Variants in TLN2 observed in about 807,000 individuals in gnomAD.
The protein encoded by TLN2 is talin 2, also known as talin-2.
A neutral mutation model predicts 294.7 loss-of-function variants in TLN2; 118 were observed. The observed-to-expected ratio is 0.40, with a 90% confidence interval of 0.34 to 0.47. The LOEUF (loss-of-function observed/expected upper bound fraction) is 0.47, where lower values mean the gene tolerates loss of function less well. Among genes scored for constraint, TLN2 ranks in the 20% least tolerant of loss-of-function variants. The probability of loss-of-function intolerance (pLI) is 0.84; values close to 1 mark genes in which losing one functional copy is unlikely to be tolerated. For missense variants in TLN2, 3,083 were observed against 3,282.2 expected (o/e 0.94, Z 1.48); for synonymous variants, 1,431 against 1,304.5 (o/e 1.10, Z -2.09).
chr15:62,408,610 A>G (rs1014494189), intron 1 of TLN2, among the ~76,000 whole-genome samples: 1 of 152,188 alleles, frequency 6.6e-6, no homozygotes, highest in Non-Finnish European at 1.5e-5. Context: ...TTATTTCACC[A>G]TATTAACTTT....
chr15:62,581,255 T>C (rs1055550020), intron 1 of TLN2, among the ~76,000 whole-genome samples: 2 of 152,238 alleles, frequency 1.3e-5, no homozygotes, highest in African/African-American at 4.8e-5. Flanking sequence ...GTATAGTATG[T>C]AGCCTTTTCA....
At chr15:62,465,796 A>T (rs2140351127) in intron 1 of TLN2, among the ~76,000 whole-genome samples, 1 of 152,352 alleles carries the variant, frequency 6.6e-6, no homozygotes, top group South Asian at 2.1e-4. Flanking sequence ...TTTATTGTAA[A>T]GCATTTTTTT....
intron 12 of TLN2, among the ~76,000 whole-genome samples, chr15:62,691,374 TTAGTC>T (rs1459423545): frequency 6.6e-6 from 1 of 152,200 alleles, no homozygotes; most frequent in Non-Finnish European, 1.5e-5. Flanking sequence ...ACACTACTAT[TTAGTC>T]TATCCTGTGA....
At chr15:62,603,378 G>A (rs998619694) in intron 2 of TLN2, among the ~76,000 whole-genome samples, 7 of 152,176 alleles carry the variant, frequency 4.6e-5, no homozygotes, top group Admixed American at 2.0e-4. Flanking sequence ...CTCTATGCAC[G>A]TTTCTCTGCT....
intron 19 of TLN2, among the ~76,000 whole-genome samples, chr15:62,705,610 G>T (rs1595729642): frequency 6.6e-6 from 1 of 152,164 alleles, no homozygotes; most frequent in Non-Finnish European, 1.5e-5. Flanking sequence ...CATCTGAAAA[G>T]ATGAATTCAT....
At chr15:62,509,599 G>C (rs542109439) in intron 1 of TLN2, among the ~76,000 whole-genome samples, 1 of 152,312 alleles carries the variant, frequency 6.6e-6, no homozygotes, top group East Asian at 1.9e-4. Context: ...TAACTTGCCT[G>C]GAATGCACAT....
rs757702400 is a variant in TLN2, at chr15:62,660,094, G to C, written c.788+2196G>C. ...TAATGAGAAGGTTGGACTTGTGACA[G>C]TCATGCTGAAGATGCAACCCCCAGA... On this transcript the variant is annotated intron_variant, in intron 9 of 58. Coordinates refer to ENST00000636159, the MANE Select transcript of TLN2 (RefSeq NM_015059.3). Among the ~76,000 whole-genome samples the C allele has an allele frequency of 2.6e-5, 4 of 152,196 alleles. No homozygotes were observed. The East Asian group carries it at 7.7e-4, about 29-fold the overall frequency.
rs374337447 is a variant in TLN2 at position 62,774,104 on chromosome 15, A to G, written c.5368-2660A>G. 2.2e-3 allele frequency among the ~76,000 whole-genome samples: 341 copies of G among 152,034 alleles called. 4 individuals are homozygous for G. Among genetic ancestry groups the G allele is most frequent in the African/African-American group, 7.7e-3 (320 of 41,476 alleles). On this transcript the variant is annotated intron_variant, in intron 42 of 58. Coordinates refer to ENST00000636159, the MANE Select transcript of TLN2 (RefSeq NM_015059.3). ...CTCCAGCAGAAACGCAGCCCTCTCC[A>G]CTGTTGGACAGTTCTAATTATTCCT...
At chr15:62,820,994 G>C (rs1268790976) in intron 54 of TLN2, among the ~76,000 whole-genome samples, 1 of 152,168 alleles carries the variant, frequency 6.6e-6, no homozygotes, top group Non-Finnish European at 1.5e-5. Context: ...AGCACTGCTG[G>C]GAATCAGAGG....
At chr15:62,581,516 C>G (rs2045027029) in intron 1 of TLN2, among the ~76,000 whole-genome samples, 2 of 152,034 alleles carry the variant, frequency 1.3e-5, no homozygotes, top group Admixed American at 1.3e-4. Flanking sequence ...TTAAAGGGTC[C>G]AAGTTGGAAT....
intron 1 of TLN2, among the ~76,000 whole-genome samples, chr15:62,553,380 G>T (rs56334631): frequency 0.17 from 25,377 of 152,070 alleles, 2,323 homozygotes; most frequent in African/African-American, 0.24. Flanking sequence ...TGCTACTCAG[G>T]AGGCTGAGGC....
chr15:62,568,858 A>T (rs567111620), intron 1 of TLN2, among the ~76,000 whole-genome samples: 1 of 152,262 alleles, frequency 6.6e-6, no homozygotes, highest in East Asian at 1.9e-4. Context: ...TCGAGGCTAG[A>T]TAACCCCAGT....
chr15:62,785,484 G>A (rs368239649), intron 45 of TLN2, among the ~76,000 whole-genome samples: 71 of 152,168 alleles, frequency 4.7e-4, no homozygotes, highest in African/African-American at 1.5e-3. Flanking sequence ...CCAACATGGC[G>A]TACCCCCTTG....
chr15:62,722,268 G>T, intron 25 of TLN2, 85 bp from the exon 26 acceptor site: 4 of 1,437,582 alleles, frequency 2.8e-6, no homozygotes, highest in Non-Finnish European at 3.8e-6. Flanking sequence ...AGTTCTTACT[G>T]CTGTGGAGAC....
chr15:62,422,309 AC>A lies in TLN2; in HGVS notation c.-238+31626del, dbSNP rs1443645540. On this transcript the variant is annotated intron_variant, in intron 1 of 58. Transcript: ENST00000636159. The stretch of plus-strand genomic sequence containing the variant: ...CATCAACCCTCATCAGAGGTGAATC[AC>A]CTAAGATGTTGTTTAAAGTGCAGAT... Among the ~76,000 whole-genome samples the A allele has an allele frequency of 2.0e-5, 3 of 151,534 alleles. No homozygotes were observed. The East Asian group carries it at 5.8e-4, about 29-fold the overall frequency.
chr15:62,838,075 G>A (rs1033455532), intron 57 of TLN2: 4 of 152,172 alleles, frequency 2.6e-5, no homozygotes, highest in South Asian at 2.1e-4. Context: ...AGCCCTTAAG[G>A]AAGATCTAAG....
chr15:62,440,004 A>AT (rs2035473098), intron 1 of TLN2, among the ~76,000 whole-genome samples: 1 of 152,140 alleles, frequency 6.6e-6, no homozygotes, highest in African/African-American at 2.4e-5. Context: ...CAGTGACTGG[A>AT]TTTTAGACAG....
chr15:62,725,476 C>T (rs891908659), intron 27 of TLN2, among the ~76,000 whole-genome samples: 2 of 152,074 alleles, frequency 1.3e-5, no homozygotes, highest in African/African-American at 4.8e-5. Flanking sequence ...CAAAGTGCGT[C>T]CATACAGGAA....
chr15:62,565,112 G>A (rs2043290533), intron 1 of TLN2, among the ~76,000 whole-genome samples: 1 of 151,892 alleles, frequency 6.6e-6, no homozygotes, highest in Non-Finnish European at 1.5e-5. Context: ...GTTAATAAGT[G>A]TTAAACACCC....
Sources: gnomAD v4.1 joint callset for allele counts (sites outside exome capture counted in the v4.1 genomes callset) on GRCh38, gnomAD v4.1.1 for gene constraint, MANE v1.5 for transcripts, NCBI Gene and HGNC (gene_info 2026-07-23, HGNC 2026-07-21) for gene names.